The following AKAP9 variants were observed in gnomAD, a reference collection of about 807,000 sequenced individuals.
The protein encoded by AKAP9 is A-kinase anchoring protein 9.
In AKAP9, 311 loss-of-function variants were observed where a neutral mutation model predicts 488.5. The ratio of observed to expected loss-of-function variants is 0.64; its 90% confidence interval spans 0.58 to 0.70. The LOEUF (loss-of-function observed/expected upper bound fraction) is 0.70. Among genes scored for constraint, AKAP9 ranks in the 30% least tolerant of loss-of-function variants. The pLI is 0.00. For synonymous variants in AKAP9, 1,462 were observed against 1,483.5 expected (o/e 0.99, Z 0.33); for missense variants, 4,215 against 4,374.5 (o/e 0.96, Z 1.03).
intron 8 of AKAP9, among the ~76,000 whole-genome samples, chr7:92,009,800 C>T (rs1800437297): frequency 6.6e-6 from 1 of 152,114 alleles, no homozygotes; most frequent in Non-Finnish European, 1.5e-5. Flanking sequence ...AAGAATAGTT[C>T]AACATCTGAA....
At chr7:92,071,200 G>A (rs894956572) in intron 28 of AKAP9, among the ~76,000 whole-genome samples, 191 bp downstream of exon 28, 3 of 152,168 alleles carry the variant, frequency 2.0e-5, no homozygotes, top group Middle Eastern at 3.2e-3. Flanking sequence ...AAAGAAGAGT[G>A]CTCCAGATAG....
At chr7:91,974,690 G>C (rs982860069) in intron 2 of AKAP9, among the ~76,000 whole-genome samples, 1 of 152,110 alleles carries the variant, frequency 6.6e-6, no homozygotes, top group Non-Finnish European at 1.5e-5. Flanking sequence ...TGAATTTGGG[G>C]AGTTTTGTCA....
chr7:92,016,911 C>T, intron 11 of AKAP9, 106 bp from the exon 12 acceptor site: 1 of 828,374 alleles, frequency 1.2e-6, no homozygotes, highest in Non-Finnish European at 2.0e-6. Flanking sequence ...AGGTTTACTT[C>T]TAGCAGGCAA....
intron 3 of AKAP9, among the ~76,000 whole-genome samples, chr7:91,991,485 T>A (rs1797745811): frequency 6.6e-6 from 1 of 151,314 alleles, no homozygotes; most frequent in Non-Finnish European, 1.5e-5. Context: ...TTTTTTTTTT[T>A]TTTTGAGACA....
In AKAP9 at chr7:92,083,598, A is replaced by G; in HGVS notation, c.8589A>G (p.Leu2863=). ...LKREHYVAVQ[L]LKEECGTLKA... ...GGGAACACTATGTTGCCGTTCAGTT[A>G]CTGAAAGAGGAATGTGGTACCTTGA... The change falls in exon 33 of 50, where the codon TTA becomes TTG. Residue 2863 remains leucine (L), a synonymous_variant. Coordinates refer to ENST00000356239, the MANE Select transcript of AKAP9 (RefSeq NM_005751.5). 1 of 1,604,134 alleles carries G rather than the reference A, an allele frequency of 6.2e-7. No individual in the cohort carries two copies. The highest frequency in any genetic ancestry group is 8.5e-7 in the Non-Finnish European group (1 of 1,177,222).
Position 92,083,358 on chromosome 7 carries a change from T to A in AKAP9, c.8349T>A (p.Asp2783Glu), listed in dbSNP as rs778675407. The change falls in exon 33 of 50, where the codon GAT (aspartate) becomes GAA (glutamate). Residue 2783 changes from aspartate to glutamate, a missense_variant. Around this residue, in one of 5 missense-constraint regions of AKAP9, gnomAD observed 1,476 missense variants for 1,477.4 expected, o/e 1.00. Transcript: ENST00000356239. ...GTAAGAGCATTGCATCCCAGACAGA[T>A]GGGACTCTGAAGATCAGTAGCAGCA... is the stretch of plus-strand genomic sequence containing the variant. The part of the protein sequence containing the change: ...KLSKSIASQT[D>E]GTLKISSSNQ... 1.2e-6 allele frequency: 2 copies of A among 1,614,058 alleles called. No homozygotes were observed. Among genetic ancestry groups the A allele is most frequent in the Non-Finnish European group, 1.7e-6 (2 of 1,180,008 alleles).
intron 20 of AKAP9, chr7:92,043,259 GTCC>G (rs1806411126): frequency 1.1e-6 from 1 of 874,808 alleles, no homozygotes; most frequent in South Asian, 5.1e-5. Context: ...ACCCTCTTGT[GTCC>G]TCCTAACCTC....
intron 8 of AKAP9, among the ~76,000 whole-genome samples, chr7:92,007,459 C>T (rs1306694231): frequency 6.6e-6 from 1 of 151,448 alleles, no homozygotes; most frequent in African/African-American, 2.4e-5. Context: ...ACCATGTTGG[C>T]CAGGCTGGTC....
At chr7:91,992,739 G>T in intron 4 of AKAP9, 146 bp from the exon 5 acceptor site, 13 of 632,770 alleles carry the variant, frequency 2.1e-5, no homozygotes, top group Non-Finnish European at 2.8e-5. Context: ...AGGTAAATAT[G>T]TTAACGAAGT....
At chr7:91,999,791 A>G (rs2130659086) in intron 7 of AKAP9, among the ~76,000 whole-genome samples, 1 of 152,350 alleles carries the variant, frequency 6.6e-6, no homozygotes, top group East Asian at 1.9e-4. Context: ...TTGAATGGGC[A>G]CTGCCAACAT....
At chr7:91,965,328 C>T (rs1462420058) in intron 1 of AKAP9, among the ~76,000 whole-genome samples, 1 of 152,150 alleles carries the variant, frequency 6.6e-6, no homozygotes, top group Non-Finnish European at 1.5e-5. Flanking sequence ...TAACATAGTG[C>T]CCTCCATTTG....
At chr7:92,109,665 C>T (rs191149168) in intron 49 of AKAP9, among the ~76,000 whole-genome samples, 1 of 152,136 alleles carries the variant, frequency 6.6e-6, no homozygotes, top group African/African-American at 2.4e-5. Flanking sequence ...GGGCTGGGCG[C>T]GGTGGCTCAT....
chr7:91,947,175 CGTGTGTGTGTGT>C (rs10575647), intron 1 of AKAP9, among the ~76,000 whole-genome samples: 12 of 147,654 alleles, frequency 8.1e-5, no homozygotes, highest in African/African-American at 3.0e-4. Context: ...TGTGTGTGTG[CGTGTGTGTGTGT>C]GTGTGTGTGC....
intron 20 of AKAP9, chr7:92,042,985 A>G (rs1383690490): frequency 5.5e-6 from 2 of 364,258 alleles, no homozygotes; most frequent in East Asian, 5.1e-5. Context: ...AATCTTTTCT[A>G]TATAAATTTT....
At chr7:92,004,547 G>A (rs537153048) in intron 8 of AKAP9, among the ~76,000 whole-genome samples, 1 of 151,674 alleles carries the variant, frequency 6.6e-6, no homozygotes, top group South Asian at 2.1e-4. Flanking sequence ...CTTGTAAGTT[G>A]GATTCCTAGG....
At chr7:92,076,414 A>G (rs2130854914) in intron 28 of AKAP9, among the ~76,000 whole-genome samples, 1 of 152,314 alleles carries the variant, frequency 6.6e-6, no homozygotes, top group African/African-American at 2.4e-5. Context: ...TAGTAAGTTA[A>G]TTAGATATTT....
intron 8 of AKAP9, among the ~76,000 whole-genome samples, chr7:92,010,225 A>C (rs1169496877): frequency 6.6e-6 from 1 of 152,220 alleles, no homozygotes. Flanking sequence ...GATTTGGTTG[A>C]AGGCAGCTGA....
At position 92,005,053 on chromosome 7, in the gene AKAP9, T is replaced by G. The variant is rs190167489; in HGVS notation, c.3318+1818T>G. On this transcript the variant is annotated intron_variant, in intron 8 of 49. Transcript: ENST00000356239. ...GTGCTGTTGAATTTTGTCCAAGGCC[T>G]TTTCTGCATCTATTGAGATAATCAT... Among the ~76,000 whole-genome samples the G allele has an allele frequency of 6.0e-4, 91 of 152,360 alleles. 1 individual carries two copies. Among genetic ancestry groups the G allele is most frequent in the Admixed American group, 5.9e-3 (91 of 15,304 alleles).
intron 4 of AKAP9, among the ~76,000 whole-genome samples, chr7:91,992,661 CAAAAAAAAAAAA>C (rs770870521): frequency 1.1e-4 from 5 of 46,632 alleles, no homozygotes; most frequent in Admixed American, 6.6e-4. Flanking sequence ...AAGACTCTGT[CAAAAAAAAAAAA>C]AAAAAAAAAA....
Sources: gnomAD v4.1 joint callset for allele counts (sites outside exome capture counted in the v4.1 genomes callset) on GRCh38, gnomAD v4.1.1 for gene constraint, gnomAD v4.1.1 regional missense constraint, MANE v1.5 for transcripts, NCBI Gene and HGNC (gene_info 2026-07-23, HGNC 2026-07-21) for gene names.